The following PBX3 variants were observed in gnomAD, a reference collection of about 807,000 sequenced individuals.
PBX3 encodes the protein PBX homeobox 3.
Under a neutral mutation model 48.5 loss-of-function variants are expected in PBX3, and 14 were observed. The ratio of observed to expected loss-of-function variants is 0.29; its 90% CI spans 0.19 to 0.45. The LOEUF is 0.45. Among genes scored for constraint, PBX3 ranks in the 20% least tolerant of loss-of-function variants. The pLI, the probability that PBX3 is intolerant of heterozygous loss-of-function variation, is 1.00. For missense variants in PBX3, 386 were observed against 546.7 expected (o/e 0.71, Z 2.93); for synonymous variants, 210 against 200.3 (o/e 1.05, Z -0.41).
intron 2 of PBX3, among the ~76,000 whole-genome samples, chr9:125,852,380 GT>G (rs1564139355): frequency 6.6e-6 from 1 of 151,920 alleles, no homozygotes; most frequent in African/African-American, 2.4e-5. Flanking sequence ...TCCCTTTATA[GT>G]AAAATGTTGC....
At chr9:125,880,492 C>T (rs1462006957) in intron 2 of PBX3, among the ~76,000 whole-genome samples, 1 of 152,214 alleles carries the variant, frequency 6.6e-6, no homozygotes, top group East Asian at 1.9e-4. Flanking sequence ...TGACTTTTCT[C>T]TTCATCACCT....
At chr9:125,807,346 A>G (rs1838154943) in intron 2 of PBX3, among the ~76,000 whole-genome samples, 1 of 135,454 alleles carries the variant, frequency 7.4e-6, no homozygotes, top group African/African-American at 3.2e-5. Flanking sequence ...AGAAAAAAAA[A>G]AAGAAAATAT....
intron 5 of PBX3, among the ~76,000 whole-genome samples, chr9:125,950,460 AGTT>A (rs1842169926): frequency 6.7e-6 from 1 of 149,030 alleles, no homozygotes; most frequent in South Asian, 2.1e-4. Flanking sequence ...TTTTCAAGTC[AGTT>A]GTTATAAATT....
intron 2 of PBX3, among the ~76,000 whole-genome samples, chr9:125,792,086 A>G (rs1837631134): frequency 6.6e-6 from 1 of 152,006 alleles, no homozygotes; most frequent in South Asian, 2.1e-4. Flanking sequence ...ATATAAATAA[A>G]TAAATATTGG....
intron 2 of PBX3, among the ~76,000 whole-genome samples, chr9:125,781,311 A>G (rs1274366728): frequency 6.6e-6 from 1 of 151,768 alleles, no homozygotes; most frequent in Non-Finnish European, 1.5e-5. Flanking sequence ...CGCTGTTAGG[A>G]GCTGGAGACC....
At chr9:125,782,786 T>C (rs1837357186) in intron 2 of PBX3, among the ~76,000 whole-genome samples, 1 of 152,206 alleles carries the variant, frequency 6.6e-6, no homozygotes, top group Non-Finnish European at 1.5e-5. Flanking sequence ...CTTTTAATGC[T>C]TTACTTTTTT....
intron 2 of PBX3, among the ~76,000 whole-genome samples, chr9:125,908,843 A>G (rs898995992): frequency 2.6e-5 from 4 of 152,112 alleles, no homozygotes; most frequent in African/African-American, 9.7e-5. Context: ...ATCCCTTTGG[A>G]TAAAAAGAAA....
chr9:125,856,181 G>T (rs1297264201), intron 2 of PBX3, among the ~76,000 whole-genome samples: 1 of 152,072 alleles, frequency 6.6e-6, no homozygotes, highest in Non-Finnish European at 1.5e-5. Flanking sequence ...TCAGATGAGA[G>T]ATATTAACAA....
intron 2 of PBX3, among the ~76,000 whole-genome samples, chr9:125,899,242 TACATATGTATATATATTTATATATAA>T (rs1840854273): frequency 7.3e-6 from 1 of 136,254 alleles, no homozygotes; most frequent in Non-Finnish European, 1.6e-5. Flanking sequence ...TATATAAATA[TACATATGTATATATATTTATATATAA>T]ATATACATAT....
chr9:125,764,684 A>G (rs1157809750), intron 2 of PBX3, among the ~76,000 whole-genome samples: 1 of 152,192 alleles, frequency 6.6e-6, no homozygotes, highest in African/African-American at 2.4e-5. Context: ...TAAGATCCGA[A>G]ATGGTTCTTG....
chr9:125,843,712 T>A, intron 2 of PBX3: 1 of 432,844 alleles, frequency 2.3e-6, no homozygotes, highest in East Asian at 7.6e-5. Flanking sequence ...GTTATGCTTT[T>A]AGTAGTCATT....
intron 2 of PBX3, among the ~76,000 whole-genome samples, chr9:125,879,299 G>T (rs557238597): frequency 6.6e-6 from 1 of 151,848 alleles, no homozygotes; most frequent in Non-Finnish European, 1.5e-5. Flanking sequence ...ACCTGATCTC[G>T]ATCGAACTCC....
intron 3 of PBX3, among the ~76,000 whole-genome samples, chr9:125,927,675 T>C (rs1030022369): frequency 2.0e-5 from 3 of 152,214 alleles, no homozygotes; most frequent in African/African-American, 7.2e-5. Context: ...GAGTATAAAC[T>C]GATGCTTTAT....
intron 2 of PBX3, among the ~76,000 whole-genome samples, chr9:125,913,187 A>G (rs1404955452): frequency 6.6e-6 from 1 of 152,068 alleles, no homozygotes; most frequent in Non-Finnish European, 1.5e-5. Flanking sequence ...AGTACTTTTC[A>G]TCTAAAGAAC....
intron 2 of PBX3, among the ~76,000 whole-genome samples, chr9:125,781,594 G>A (rs947250562): frequency 1.4e-5 from 2 of 145,122 alleles, no homozygotes; most frequent in East Asian, 2.9e-4. Flanking sequence ...GGCGAGAGGC[G>A]AGAGGGAGAG....
chr9:125,862,083 A>T (rs560531400), intron 2 of PBX3, among the ~76,000 whole-genome samples: 1 of 152,336 alleles, frequency 6.6e-6, no homozygotes, highest in South Asian at 2.1e-4. Context: ...TGAAATCAGG[A>T]TGCCTTTTAC....
intron 5 of PBX3, among the ~76,000 whole-genome samples, chr9:125,954,997 G>A (rs564314157): frequency 6.6e-6 from 1 of 152,188 alleles, no homozygotes; most frequent in African/African-American, 2.4e-5. Flanking sequence ...ATGAAAAATT[G>A]TAGATGCCAA....
rs753860844 is a variant in PBX3 at position 125,935,622 on chromosome 9, A to G, written c.843+15A>G. The G allele has an allele frequency of 4.3e-6, 7 of 1,613,240 alleles. No homozygotes were observed. The South Asian group carries it at 4.4e-5, about 10-fold the overall frequency. ...CAGTGTCACAGGTGAGAAAGGACCC[A>G]TGGGTCTGTCTTGTTCCCTGTGGAG... On this transcript the variant is annotated intron_variant, in intron 5 of 8. Transcript: ENST00000373489.
chr9:125,749,927 A>G (rs1836324316), intron 2 of PBX3, among the ~76,000 whole-genome samples: 1 of 152,214 alleles, frequency 6.6e-6, no homozygotes, highest in African/African-American at 2.4e-5. Flanking sequence ...TTTCATTCAC[A>G]TATTATGGCT....
Sources: gnomAD v4.1 joint callset for allele counts (sites outside exome capture counted in the v4.1 genomes callset) on GRCh38, gnomAD v4.1.1 for gene constraint, MANE v1.5 for transcripts, NCBI Gene and HGNC (gene_info 2026-07-23, HGNC 2026-07-21) for gene names.